NIN: variants seen among roughly 807,000 people sequenced by gnomAD.
The protein encoded by NIN is glycogen synthase kinase 3 beta-interacting protein.
Under a neutral mutation model 257.6 loss-of-function variants are expected in NIN, and 137 were observed. That is an observed-to-expected ratio of 0.53 (90% CI 0.46 to 0.61). The LOEUF (loss-of-function observed/expected upper bound fraction) is 0.61. NIN is among the 20% of genes least tolerant of loss of function. The pLI is 0.00. For synonymous variants in NIN, 918 were observed against 919.8 expected, an observed-to-expected ratio of 1.00 and a Z score of 0.04; for missense variants, 2,439 against 2,501.2, an observed-to-expected ratio of 0.98 and a Z score of 0.53.
chr14:50,818,333 A>C lies in NIN; in HGVS notation c.183+3541T>G, dbSNP rs921293439. On this transcript the variant is annotated intron_variant, in intron 3 of 30. Transcript: ENST00000530997. Reference sequence around the variant, plus strand: ...GAGACTCTGTCAAAAAAAAAAAAAAAAAAAAACACTGGATATAACTAAATG... The same window carrying C: ...GAGACTCTGTCAAAAAAAAAAAAAACAAAAAACACTGGATATAACTAAATG... 2.2e-3 allele frequency among the ~76,000 whole-genome samples: 331 copies of C among 151,896 alleles called. 3 individuals are homozygous for C. The highest frequency in any genetic ancestry group is 7.6e-3 in the African/African-American group (315 of 41,446).
chr14:50,827,970 G>GAA (rs139378214), intron 2 of NIN, among the ~76,000 whole-genome samples: 24 of 144,488 alleles, frequency 1.7e-4, no homozygotes, highest in Non-Finnish European at 2.6e-4. Context: ...TTAGCTACAG[G>GAA]AAAAAAAAAA....
At chr14:50,740,175 A>G (rs2041209904) in intron 25 of NIN, among the ~76,000 whole-genome samples, 1 of 145,338 alleles carries the variant, frequency 6.9e-6, no homozygotes, top group South Asian at 2.3e-4. Context: ...ACCCAGAAGT[A>G]ATTTTAAAAA....
At chr14:50,766,581 C>G (rs2042498123) in intron 13 of NIN, among the ~76,000 whole-genome samples, 185 bp from the exon 14 acceptor site, 1 of 152,170 alleles carries the variant, frequency 6.6e-6, no homozygotes, top group Non-Finnish European at 1.5e-5. Flanking sequence ...TCAATGAACA[C>G]AGGGATCATT....
At chr14:50,821,246 A>G (rs1410497217) in intron 3 of NIN, among the ~76,000 whole-genome samples, 3 of 152,218 alleles carry the variant, frequency 2.0e-5, no homozygotes, top group Admixed American at 2.0e-4. Flanking sequence ...AAGAGGAAAA[A>G]AAGACCCTCT....
chr14:50,731,796 C>T lies in NIN; in HGVS notation c.5878-2073G>A, dbSNP rs922842101. On this transcript the variant is annotated intron_variant, in intron 28 of 30. Coordinates refer to ENST00000530997, the MANE Select transcript of NIN (RefSeq NM_020921.4). The stretch of plus-strand genomic sequence containing the variant: ...AGCTGAAATCGCGCCACTGCATTCC[C>T]ACTTGGTGACAGAGCGAGACTCCGT... Among the ~76,000 whole-genome samples, 6 of 152,098 alleles carry T rather than the reference C, an allele frequency of 3.9e-5. No homozygotes were observed. The East Asian group carries it at 1.2e-3, about 29-fold the overall frequency.
Position 50,758,238 on chromosome 14 carries a change from C to A in NIN, c.2792G>T (p.Ser931Ile). 1 of 1,614,172 alleles carries A rather than the reference C, an allele frequency of 6.2e-7. No individual in the cohort carries two copies. ...CTCAAGTATCTGGTCAGACAGCAGG[C>A]TTTGCTGGGTTTCAGATACATTTCT... Reference protein sequence around the residue: ...DLRNVSETQQSLLSDQILELK... With the variant: ...DLRNVSETQQILLSDQILELK... Residue 931 changes from serine (S) to isoleucine (I), a missense_variant, in exon 18 of 31, where the codon AGC becomes ATC. Ser to Ile is a moderately radical substitution (Grantham distance 142). This residue lies in a region of NIN where 2,043 missense variants were observed against 2,050.2 expected (regional missense o/e 1.00). Transcript: ENST00000530997.
At position 50,793,533 on chromosome 14, in the gene NIN, TA is replaced by T. The variant is rs202093186; in HGVS notation, c.266-653del. ...TAAAATAGCAAATGTGAAACCACAG[TA>T]AAAAAAATTGTATTATTTTATCTCT... On this transcript the variant is annotated intron_variant, in intron 4 of 30. Transcript: ENST00000530997. Among the ~76,000 whole-genome samples the T allele has an allele frequency of 2.5e-3, 383 of 152,222 alleles. 3 individuals are homozygous for T. The highest frequency in any genetic ancestry group is 8.5e-3 in the African/African-American group (354 of 41,526).
At chr14:50,786,343 T>G (rs1269598877) in intron 5 of NIN, among the ~76,000 whole-genome samples, 1 of 152,088 alleles carries the variant, frequency 6.6e-6, no homozygotes, top group Non-Finnish European at 1.5e-5. Context: ...CTTGTCTGTT[T>G]TAGTTTCTAG....
At chr14:50,766,535 A>G in intron 13 of NIN, 139 bp from the exon 14 acceptor site, 3 of 749,576 alleles carry the variant, frequency 4.0e-6, no homozygotes, top group Non-Finnish European at 4.6e-6. Context: ...AACAACACCA[A>G]CTGGGTGATG....
chr14:50,812,918 T>C (rs2044704121), intron 3 of NIN, among the ~76,000 whole-genome samples: 2 of 152,260 alleles, frequency 1.3e-5, no homozygotes, highest in Non-Finnish European at 2.9e-5. Flanking sequence ...ACATAGCAGC[T>C]GGCCCAAACC....
At position 50,778,810 on chromosome 14, in the gene NIN, G is replaced by T; in HGVS notation, c.436-6C>A. The T allele has an allele frequency of 6.2e-7, 1 of 1,613,968 alleles. No individual in the cohort carries two copies. Among genetic ancestry groups the T allele is most frequent in the Non-Finnish European group, 8.5e-7 (1 of 1,179,872 alleles). ...CTGCGTTGCGTCTTCCAGTGCTAGA[G>T]AAGGCAAGAGAAGATTAGTGTGCTT... On this transcript the variant is annotated splice_polypyrimidine_tract_variant and splice_region_variant and intron_variant, in intron 5 of 30. Coordinates refer to ENST00000530997, the MANE Select transcript of NIN (RefSeq NM_020921.4).
chr14:50,727,197 A>C (rs1399445635), intron 29 of NIN: 1 of 880,730 alleles, frequency 1.1e-6, no homozygotes, highest in Non-Finnish European at 1.4e-6. Context: ...TAGAGTTGGC[A>C]AAAGAGTGGA....
At chr14:50,740,913 C>T (rs1033949306) in intron 25 of NIN, among the ~76,000 whole-genome samples, 3 of 152,236 alleles carry the variant, frequency 2.0e-5, no homozygotes, top group Admixed American at 6.5e-5. Flanking sequence ...TATTTGCACA[C>T]AGATTAGGCA....
intron 2 of NIN, among the ~76,000 whole-genome samples, chr14:50,829,829 G>C (rs1057220470): frequency 6.6e-6 from 1 of 152,192 alleles, no homozygotes; most frequent in African/African-American, 2.4e-5. Context: ...GCTGGAAGCA[G>C]TGACTGTTCC....
Position 50,720,927 on chromosome 14 carries a change from A to C in NIN, c.*2536T>G. 5.1e-6 allele frequency: 1 copy of C among 195,986 alleles called. No homozygotes were observed. Among genetic ancestry groups the C allele is most frequent in the East Asian group, 8.1e-5 (1 of 12,384 alleles). The allele number at this position is 195,986 out of a possible 1,614,324, so 12.1% of individuals were successfully genotyped here. A position where few individuals can be genotyped will look rare whatever the true frequency, so the allele number is the denominator to read the frequency against. On this transcript the variant is annotated 3_prime_UTR_variant, in exon 31 of 31. Transcript: ENST00000530997. ...AAAAGTTTGAAAATCAGTGCTTTTAATAAGCAACTAAATGCCTATAAAATA... is the reference window on the plus strand; with the variant it reads ...AAAAGTTTGAAAATCAGTGCTTTTACTAAGCAACTAAATGCCTATAAAATA...
intron 3 of NIN, among the ~76,000 whole-genome samples, chr14:50,808,384 A>G (rs939419973): frequency 6.6e-6 from 1 of 152,216 alleles, no homozygotes; most frequent in Non-Finnish European, 1.5e-5. Flanking sequence ...CTTGACGGGC[A>G]TCTGTGAATT....
chr14:50,730,281 G>C (rs1323895182), intron 28 of NIN, among the ~76,000 whole-genome samples: 2 of 152,094 alleles, frequency 1.3e-5, no homozygotes, highest in Non-Finnish European at 2.9e-5. Flanking sequence ...CAATTCTGGG[G>C]CATAAAGCAA....
rs982862119 is a variant in NIN at position 50,817,739 on chromosome 14, C to T, written c.183+4135G>A. 2.0e-5 allele frequency among the ~76,000 whole-genome samples: 3 copies of T among 152,054 alleles called. 1 individual carries two copies. The highest frequency in any genetic ancestry group is 4.8e-5 in the African/African-American group (2 of 41,404). On this transcript the variant is annotated intron_variant, in intron 3 of 30. Transcript: ENST00000530997. ...CATACTACGTAAGGAGTTTTTGAAACGGAATCTCGCTCTGTCGCCAGGCTG... is the reference window on the plus strand; with the variant it reads ...CATACTACGTAAGGAGTTTTTGAAATGGAATCTCGCTCTGTCGCCAGGCTG...
At chr14:50,772,066 C>T (rs1179641424) in intron 9 of NIN, 2 of 430,486 alleles carry the variant, frequency 4.6e-6, no homozygotes, top group Non-Finnish European at 8.4e-6. Flanking sequence ...TAAATAAACA[C>T]AATTGTAAGA....
Sources: allele counts gnomAD v4.1 joint callset (sites outside exome capture counted in the v4.1 genomes callset), GRCh38; gene constraint gnomAD v4.1.1; regional missense constraint gnomAD v4.1.1; transcripts MANE v1.5; gene names NCBI Gene and HGNC (gene_info 2026-07-23, HGNC 2026-07-21).